Variants in ATAT1 observed in about 807,000 individuals in gnomAD.
ATAT1 encodes the protein alpha tubulin acetyltransferase 1.
A neutral mutation model predicts 57.2 loss-of-function variants in ATAT1; 42 were observed. That is an observed-to-expected ratio of 0.73 (90% CI 0.57 to 0.95). The LOEUF (loss-of-function observed/expected upper bound fraction) is 0.95. ATAT1 is among the 40% of genes least tolerant of loss of function. The probability of loss-of-function intolerance (pLI) is 0.00; values close to 1 mark genes in which losing one functional copy is unlikely to be tolerated. For missense variants in ATAT1, 454 were observed against 523.7 expected (o/e 0.87, Z 1.30); for synonymous variants, 168 against 187.1 (o/e 0.90, Z 0.83).
Position 30,643,004 on chromosome 6 carries a change from C to T in ATAT1, c.925C>T (p.Arg309Cys), listed in dbSNP as rs1765849308. 8 of 1,612,162 alleles carry T rather than the reference C, an allele frequency of 5.0e-6. No individual in the cohort carries two copies. The highest frequency in any genetic ancestry group is 6.8e-6 in the Non-Finnish European group (8 of 1,179,216). ...TGGGGGCAGCCCAGCTCAACGTCGT[C>T]GCACCAGGTAATAGGAGTTGAAGGG... is the stretch of plus-strand genomic sequence containing the variant. The change falls in exon 10 of 13, where the codon CGC (arginine) becomes TGC (cysteine). Residue 309 changes from arginine to cysteine, a missense_variant. Arg to Cys is a radical substitution (Grantham distance 180, BLOSUM62 -3). Transcript: ENST00000330083.
At chr6:30,634,608 TCTTA>T (rs977789734) in intron 6 of ATAT1, among the ~76,000 whole-genome samples, 7 of 148,102 alleles carry the variant, frequency 4.7e-5, no homozygotes, top group African/African-American at 1.8e-4. Flanking sequence ...GGGTTCTCTG[TCTTA>T]CTTCTGACTT....
At chr6:30,640,444 G>C (rs1292917637) in intron 7 of ATAT1, 22 bp downstream of exon 7, 1 of 1,612,824 alleles carries the variant, frequency 6.2e-7, no homozygotes, top group Non-Finnish European at 8.5e-7. Flanking sequence ...CATTTTGTTG[G>C]TCACGTAGTC....
chr6:30,639,766 C>T (rs1303082160), intron 6 of ATAT1, among the ~76,000 whole-genome samples: 6 of 152,076 alleles, frequency 3.9e-5, no homozygotes, highest in South Asian at 2.1e-4. Context: ...CGTGAGCCAC[C>T]GCACCTGACC....
intron 6 of ATAT1, among the ~76,000 whole-genome samples, chr6:30,634,397 C>T (rs1049948814): frequency 1.3e-5 from 2 of 151,654 alleles, no homozygotes; most frequent in African/African-American, 4.8e-5. Context: ...ATTACAGGCG[C>T]CCGCCACCAC....
At chr6:30,633,465 C>T (rs1381890859) in intron 6 of ATAT1, among the ~76,000 whole-genome samples, 1 of 152,196 alleles carries the variant, frequency 6.6e-6, no homozygotes, top group African/African-American at 2.4e-5. Context: ...ACTGGCTGCT[C>T]TGAAAAGCCA....
At chr6:30,642,383 C>A in intron 9 of ATAT1, 136 bp downstream of exon 9, 1 of 1,260,262 alleles carries the variant, frequency 7.9e-7, no homozygotes, top group East Asian at 2.5e-5. Flanking sequence ...TGGCTCATGC[C>A]TGTAATCCCA....
intron 10 of ATAT1, chr6:30,644,442 A>G (rs1160759562): frequency 2.1e-5 from 21 of 985,512 alleles, no homozygotes; most frequent in Non-Finnish European, 2.5e-5. Context: ...CATAGCAAGG[A>G]CGACCTTCCC....
chr6:30,642,832 A>AGGGGGCG lies in ATAT1; in HGVS notation c.754_755insGGGGCGG (p.Ala252GlyfsTer50). The stretch of plus-strand genomic sequence containing the variant: ...GGGCCCCTCGCCGCGCCACACCTCC[A>AGGGGGCG]GCCCACCCACCCCCCCGCTCCAGCA... On this transcript the variant is annotated frameshift_variant, in exon 10 of 13. Coordinates refer to ENST00000330083, the MANE Select transcript of ATAT1 (RefSeq NM_001031722.4). LOFTEE classifies it high-confidence loss of function. 2.4e-6 allele frequency: 3 copies of AGGGGGCG among 1,230,734 alleles called. No individual in the cohort carries two copies. The highest frequency in any genetic ancestry group is 3.4e-6 in the Non-Finnish European group (3 of 892,680). 76.2% of individuals were successfully genotyped at this position (1,230,734 alleles called of 1,614,324 possible). A position where few individuals can be genotyped will look rare whatever the true frequency, so the allele number is the denominator to read the frequency against.
intron 6 of ATAT1, among the ~76,000 whole-genome samples, chr6:30,636,301 C>T (rs1217965539): frequency 2.0e-5 from 3 of 152,020 alleles, no homozygotes; most frequent in Non-Finnish European, 4.4e-5. Context: ...AACCACCTTT[C>T]AGGCCAGGCG....
rs745622154 is a variant in ATAT1 at position 30,640,613 on chromosome 6, G to A, written c.616+10G>A. Reference sequence around the variant, plus strand: ...GATCCCACGCCCGCTGGTAAAGCCTGTATTGAAGGGGTGGAACTGTAGTGC... The same window carrying A: ...GATCCCACGCCCGCTGGTAAAGCCTATATTGAAGGGGTGGAACTGTAGTGC... On this transcript the variant is annotated intron_variant, in intron 8 of 12. Transcript: ENST00000330083. 20 of 1,612,324 alleles carry A rather than the reference G, an allele frequency of 1.2e-5. No individual in the cohort carries two copies. Among genetic ancestry groups the A allele is most frequent in the African/African-American group, 2.7e-5 (2 of 74,906 alleles).
intron 6 of ATAT1, among the ~76,000 whole-genome samples, chr6:30,632,815 T>G (rs1327670183): frequency 1.3e-5 from 2 of 151,824 alleles, no homozygotes; most frequent in Non-Finnish European, 2.9e-5. Flanking sequence ...TGCTCGCCTG[T>G]AATCCCAGCT....
Position 30,642,879 on chromosome 6 carries a change from G to C in ATAT1, c.800G>C (p.Arg267Pro), listed in dbSNP as rs747510164. ...AGCAGCCTGGGAAACTCACCAGAACGAGGTCCCCTCCGCCCCTTTGTGCCA... is the reference window on the plus strand; with the variant it reads ...AGCAGCCTGGGAAACTCACCAGAACCAGGTCCCCTCCGCCCCTTTGTGCCA... The change falls in exon 10 of 13, where the codon CGA becomes CCA. Residue 267 changes from arginine to proline, a missense_variant. Physicochemically the swap from Arg to Pro is moderately radical, Grantham distance 103. This residue lies in a region of ATAT1 where 216 missense variants were observed against 222.2 expected (regional missense o/e 0.97). Transcript: ENST00000330083. The C allele has an allele frequency of 7.7e-7, 1 of 1,303,494 alleles. No homozygotes were observed. Among genetic ancestry groups the C allele is most frequent in the African/African-American group, 1.8e-5 (1 of 54,346 alleles). The allele number at this position is 1,303,494 out of a possible 1,614,324, so 80.7% of individuals were successfully genotyped here. A position where few individuals can be genotyped will look rare whatever the true frequency, so the allele number is the denominator to read the frequency against.
intron 1 of ATAT1, 84 bp from the exon 2 acceptor site, chr6:30,627,376 T>TTG (rs921248597): frequency 7.1e-5 from 114 of 1,602,326 alleles, no homozygotes; most frequent in Non-Finnish European, 9.6e-5. Flanking sequence ...TGGGTTGGAG[T>TTG]TGTGGCCCAG....
chr6:30,630,248 G>A (rs1582759191), intron 6 of ATAT1, among the ~76,000 whole-genome samples: 1 of 152,280 alleles, frequency 6.6e-6, no homozygotes, highest in Admixed American at 6.5e-5. Flanking sequence ...TTGAGCCTGG[G>A]AGGCAGAGGT....
chr6:30,628,281 A>G (rs1290343113), intron 5 of ATAT1, 48 bp from the exon 6 acceptor site: 2 of 1,584,658 alleles, frequency 1.3e-6, no homozygotes, highest in Admixed American at 3.3e-5. Context: ...TCCTGTTGGC[A>G]TGCTTTCCCC....
intron 8 of ATAT1, among the ~76,000 whole-genome samples, chr6:30,641,108 TACACACATACAC>T (rs1200530633): frequency 2.6e-4 from 38 of 146,810 alleles, no homozygotes; most frequent in African/African-American, 8.4e-4. Flanking sequence ...CCATCCCATA[TACACACATACAC>T]ACACACACAC....
chr6:30,640,455 G>A (rs755371690), intron 7 of ATAT1, 33 bp downstream of exon 7: 5 of 1,612,662 alleles, frequency 3.1e-6, no homozygotes, highest in African/African-American at 1.3e-5. Context: ...TCACGTAGTC[G>A]GGGTGAGGGA....
At position 30,646,725 on chromosome 6, in the gene ATAT1, G is replaced by A. The variant is rs1289378204; in HGVS notation, c.*82G>A. On this transcript the variant is annotated 3_prime_UTR_variant, in exon 13 of 13. Coordinates refer to ENST00000330083, the MANE Select transcript of ATAT1 (RefSeq NM_001031722.4). ...CCAAAGCCCAACCCTCATAATAGAT[G>A]GATACATTCATTCATTCATTCATTC... 7.1e-7 allele frequency: 1 copy of A among 1,404,932 alleles called. No individual in the cohort carries two copies. Among genetic ancestry groups the A allele is most frequent in the Non-Finnish European group, 9.4e-7 (1 of 1,068,354 alleles). 87.0% of individuals were successfully genotyped at this position (1,404,932 alleles called of 1,614,324 possible). A position where few individuals can be genotyped will look rare whatever the true frequency, so the allele number is the denominator to read the frequency against.
chr6:30,644,333 C>T (rs1257297783), intron 10 of ATAT1: 3 of 985,568 alleles, frequency 3.0e-6, no homozygotes, highest in Non-Finnish European at 3.6e-6. Context: ...TGCATCCATC[C>T]CTCCCTGGTA....
Sources: allele counts gnomAD v4.1 joint callset (sites outside exome capture counted in the v4.1 genomes callset), GRCh38; gene constraint gnomAD v4.1.1; regional missense constraint gnomAD v4.1.1; transcripts MANE v1.5; gene names NCBI Gene and HGNC (gene_info 2026-07-23, HGNC 2026-07-21).